Variants in CNTNAP2 observed in about 807,000 individuals in gnomAD.
The protein encoded by CNTNAP2 is contactin-associated protein-like 2.
In CNTNAP2, 98 loss-of-function variants were observed where a neutral mutation model predicts 155.2. The observed-to-expected ratio is 0.63, with a 90% CI of 0.54 to 0.75. CNTNAP2 has a LOEUF of 0.75. Among genes scored for constraint, CNTNAP2 ranks in the 30% least tolerant of loss-of-function variants. CNTNAP2 has a pLI of 0.00. For missense variants in CNTNAP2, 1,727 were observed against 1,688.1 expected (o/e 1.02, Z -0.40); for synonymous variants, 651 against 631.2 (o/e 1.03, Z -0.47).
chr7:148,411,711 A>C (rs533528328), intron 23 of CNTNAP2, among the ~76,000 whole-genome samples: 6 of 152,140 alleles, frequency 3.9e-5, no homozygotes, highest in African/African-American at 1.4e-4. Context: ...GTTAATGTTT[A>C]TAAATGGTGT....
At chr7:147,329,401 T>G (rs932664624) in intron 9 of CNTNAP2, among the ~76,000 whole-genome samples, 1 of 152,088 alleles carries the variant, frequency 6.6e-6, no homozygotes, top group African/African-American at 2.4e-5. Flanking sequence ...ATATATACAT[T>G]CTTATAATTT....
intron 3 of CNTNAP2, among the ~76,000 whole-genome samples, chr7:147,032,762 G>A (rs1017861957): frequency 1.3e-5 from 2 of 151,964 alleles, no homozygotes; most frequent in Non-Finnish European, 2.9e-5. Context: ...AGGAAGAAGA[G>A]GGAGTCAGAG....
At chr7:147,454,946 AG>A (rs1343541096) in intron 10 of CNTNAP2, among the ~76,000 whole-genome samples, 1 of 152,110 alleles carries the variant, frequency 6.6e-6, no homozygotes, top group African/African-American at 2.4e-5. Flanking sequence ...CCCATTTGAC[AG>A]GATCATGGTC....
intron 3 of CNTNAP2, among the ~76,000 whole-genome samples, chr7:146,943,809 G>A (rs1253346312): frequency 6.6e-6 from 1 of 152,116 alleles, no homozygotes; most frequent in Non-Finnish European, 1.5e-5. Flanking sequence ...AGAACTGAGA[G>A]AAATTACTTA....
chr7:147,290,410 A>C (rs1805277126), intron 8 of CNTNAP2, among the ~76,000 whole-genome samples: 1 of 152,098 alleles, frequency 6.6e-6, no homozygotes, highest in Non-Finnish European at 1.5e-5. Flanking sequence ...GGCAGGGTGC[A>C]GTGGCTCACT....
At chr7:146,624,716 C>T (rs1287819740) in intron 1 of CNTNAP2, among the ~76,000 whole-genome samples, 2 of 151,668 alleles carry the variant, frequency 1.3e-5, no homozygotes, top group Non-Finnish European at 2.9e-5. Context: ...TGTCTCTTTC[C>T]TTGCCATATA....
intron 3 of CNTNAP2, among the ~76,000 whole-genome samples, chr7:146,969,303 G>C (rs989067182): frequency 6.6e-6 from 1 of 152,134 alleles, no homozygotes; most frequent in South Asian, 2.1e-4. Context: ...TTGGGGTGGA[G>C]AGGTCTGTAG....
intron 13 of CNTNAP2, among the ~76,000 whole-genome samples, chr7:147,886,299 C>T (rs1799597055): frequency 6.6e-6 from 1 of 151,710 alleles, no homozygotes; most frequent in Non-Finnish European, 1.5e-5. Flanking sequence ...ATGGTGAAAC[C>T]CTGTCTCTAA....
intron 9 of CNTNAP2, among the ~76,000 whole-genome samples, chr7:147,301,716 G>A (rs1018632597): frequency 1.3e-5 from 2 of 149,842 alleles, no homozygotes; most frequent in Non-Finnish European, 3.0e-5. Context: ...TATTCCTCAA[G>A]GTCCTAGAAA....
At chr7:147,598,971 G>T (rs981439778) in intron 12 of CNTNAP2, among the ~76,000 whole-genome samples, 1 of 152,128 alleles carries the variant, frequency 6.6e-6, no homozygotes, top group Non-Finnish European at 1.5e-5. Flanking sequence ...GCTGAACTGT[G>T]AGTCAGTTAA....
chr7:147,316,906 G>T (rs979653564), intron 9 of CNTNAP2, among the ~76,000 whole-genome samples: 2 of 152,092 alleles, frequency 1.3e-5, no homozygotes, highest in Non-Finnish European at 2.9e-5. Flanking sequence ...TTATTGCAAT[G>T]GGGATAAAAT....
At chr7:146,982,765 T>C (rs1256337280) in intron 3 of CNTNAP2, among the ~76,000 whole-genome samples, 1 of 152,126 alleles carries the variant, frequency 6.6e-6, no homozygotes, top group Non-Finnish European at 1.5e-5. Context: ...AAATGCAAAA[T>C]GTGTTGCTGC....
At chr7:146,818,288 C>G (rs1296354483) in intron 2 of CNTNAP2, among the ~76,000 whole-genome samples, 2 of 151,994 alleles carry the variant, frequency 1.3e-5, no homozygotes, top group Non-Finnish European at 2.9e-5. Flanking sequence ...CGATTTTAGC[C>G]TTTGTTTCAG....
At chr7:146,860,369 G>A (rs532540018) in intron 3 of CNTNAP2, among the ~76,000 whole-genome samples, 8 of 152,248 alleles carry the variant, frequency 5.3e-5, no homozygotes, top group African/African-American at 1.9e-4. Flanking sequence ...ATGTCTGTAG[G>A]TAAGAGGAAC....
intron 3 of CNTNAP2, among the ~76,000 whole-genome samples, chr7:146,946,671 C>T (rs1797182685): frequency 6.6e-6 from 1 of 152,058 alleles, no homozygotes; most frequent in African/African-American, 2.4e-5. Context: ...TCAAACACAT[C>T]TTTATTAATT....
intron 8 of CNTNAP2, among the ~76,000 whole-genome samples, chr7:147,194,406 C>T (rs1802742250): frequency 1.3e-5 from 2 of 152,060 alleles, no homozygotes; most frequent in South Asian, 4.2e-4. Context: ...GGGCATGTGT[C>T]TTTATAGTAG....
rs566100035 is a variant in CNTNAP2, at chr7:147,332,004, C to G, written c.1498+31714C>G. ...AAAAAGCTGTTCTCAGCTGCCCTCTCCTTATTAAGGTATACCATGACATGG... is the reference window on the plus strand; with the variant it reads ...AAAAAGCTGTTCTCAGCTGCCCTCTGCTTATTAAGGTATACCATGACATGG... On this transcript the variant is annotated intron_variant, in intron 9 of 23. Coordinates refer to ENST00000361727, the MANE Select transcript of CNTNAP2 (RefSeq NM_014141.6). 1.2e-4 allele frequency among the ~76,000 whole-genome samples: 19 copies of G among 152,282 alleles called. No individual in the cohort carries two copies. In the South Asian group the frequency reaches 3.9e-3, roughly 32 times the overall value.
intron 13 of CNTNAP2, among the ~76,000 whole-genome samples, chr7:147,658,991 C>CA (rs1429817347): frequency 6.6e-6 from 1 of 152,158 alleles, no homozygotes; most frequent in African/African-American, 2.4e-5. Flanking sequence ...AGGCCCCCCT[C>CA]AACCCAGCAC....
intron 21 of CNTNAP2, chr7:148,339,628 G>A (rs995053788): frequency 3.9e-5 from 6 of 152,386 alleles, no homozygotes; most frequent in African/African-American, 9.6e-5. Flanking sequence ...GGGCTGGCGG[G>A]AAGAGGCAAG....
Sources: gnomAD v4.1 joint callset for allele counts (sites outside exome capture counted in the v4.1 genomes callset) on GRCh38, gnomAD v4.1.1 for gene constraint, MANE v1.5 for transcripts, NCBI Gene and HGNC (gene_info 2026-07-23, HGNC 2026-07-21) for gene names.